Variants in CAMTA1 observed in about 807,000 individuals in gnomAD.
CAMTA1 encodes calmodulin binding transcription activator 1, also known as calmodulin-binding transcription activator 1.
CAMTA1 carries 27 observed loss-of-function variants against 170.9 expected under a neutral mutation model. That is an observed-to-expected ratio of 0.16 (90% CI 0.12 to 0.22). The LOEUF (loss-of-function observed/expected upper bound fraction) is 0.22. CAMTA1 is among the 10% of genes least tolerant of loss of function. The probability of loss-of-function intolerance (pLI) is 1.00; values close to 1 mark genes in which losing one functional copy is unlikely to be tolerated. For synonymous variants in CAMTA1, 833 were observed against 891.5 expected (o/e 0.93, Z 1.17); for missense variants, 1,619 against 2,217.2 (o/e 0.73, Z 5.42).
chr1:7,545,651 G>A (rs1283626047), intron 6 of CAMTA1, among the ~76,000 whole-genome samples: 3 of 152,086 alleles, frequency 2.0e-5, no homozygotes, highest in South Asian at 4.1e-4. Context: ...TCTGTCTGGT[G>A]GCCCAGGATT....
chr1:7,064,353 C>T lies in CAMTA1; in HGVS notation c.235-26951C>T, dbSNP rs1238475843. Among the ~76,000 whole-genome samples the T allele has an allele frequency of 6.6e-6, 1 of 152,128 alleles. No homozygotes were observed. Among genetic ancestry groups the T allele is most frequent in the Non-Finnish European group, 1.5e-5 (1 of 68,028 alleles). ...GGACACCTACCTTCATGACTTGTCT[C>T]ATATTAATTAGCTTCTGAAGATCTC... On this transcript the variant is annotated intron_variant, in intron 3 of 22. Coordinates refer to ENST00000303635, the MANE Select transcript of CAMTA1 (RefSeq NM_015215.4). The surrounding 1 kb of genome is among the most constrained non-coding windows in gnomAD (Gnocchi z 5.4).
At position 7,562,775 on chromosome 1, in the gene CAMTA1, C is replaced by T. The variant is rs1212051208; in HGVS notation, c.511-77625C>T. Reference sequence around the variant, plus strand: ...TCGCCAGGCCAGCAGTAGCCCACCCCACTTCTTGTTCTCATGGTCCCCAGG... The same window carrying T: ...TCGCCAGGCCAGCAGTAGCCCACCCTACTTCTTGTTCTCATGGTCCCCAGG... On this transcript the variant is annotated intron_variant, in intron 6 of 22. Coordinates refer to ENST00000303635, the MANE Select transcript of CAMTA1 (RefSeq NM_015215.4). The surrounding 1 kb of genome is among the most constrained non-coding windows in gnomAD (Gnocchi z 4.8). 8.5e-5 allele frequency among the ~76,000 whole-genome samples: 13 copies of T among 152,218 alleles called. No individual in the cohort carries two copies. The highest frequency in any genetic ancestry group is 1.6e-4 in the Non-Finnish European group (11 of 68,038).
intron 6 of CAMTA1, among the ~76,000 whole-genome samples, chr1:7,490,427 G>A (rs1235168940): frequency 1.3e-5 from 2 of 152,168 alleles, no homozygotes; most frequent in Non-Finnish European, 1.5e-5. Context: ...CGAGGCAGGC[G>A]GTTCACCTGA....
chr1:7,725,111 G>C (rs1177778909), intron 11 of CAMTA1, among the ~76,000 whole-genome samples: 1 of 152,194 alleles, frequency 6.6e-6, no homozygotes, highest in African/African-American at 2.4e-5. Flanking sequence ...GGAGCCGGAC[G>C]GTTGCTATGA....
chr1:7,094,421 A>G (rs931474661), intron 4 of CAMTA1, among the ~76,000 whole-genome samples: 2 of 152,372 alleles, frequency 1.3e-5, no homozygotes, highest in Non-Finnish European at 2.9e-5. Context: ...TGCTAATTTC[A>G]TTTTAGAAAA....
intron 3 of CAMTA1, among the ~76,000 whole-genome samples, chr1:6,954,523 A>C (rs1689097093): frequency 6.6e-6 from 1 of 152,174 alleles, no homozygotes; most frequent in East Asian, 1.9e-4. Flanking sequence ...TTGAGGTCTG[A>C]GTTTTCCTTT....
At chr1:6,819,425 T>G (rs763084352) in intron 1 of CAMTA1, among the ~76,000 whole-genome samples, 62 of 152,316 alleles carry the variant, frequency 4.1e-4, no homozygotes, top group Admixed American at 3.9e-4. Context: ...CCCCTTGATT[T>G]ACTTGCCATG....
chr1:7,138,377 A>T (rs1024306239), intron 4 of CAMTA1, among the ~76,000 whole-genome samples: 1 of 152,224 alleles, frequency 6.6e-6, no homozygotes, highest in Non-Finnish European at 1.5e-5. Context: ...TTGGCATTTA[A>T]ATGCCCTCCT....
intron 4 of CAMTA1, among the ~76,000 whole-genome samples, chr1:7,207,505 A>C (rs1657958037): frequency 1.3e-5 from 2 of 152,196 alleles, no homozygotes; most frequent in South Asian, 4.1e-4. Context: ...CTAAAAATAT[A>C]CACTCTATTT....
chr1:7,263,329 G>T (rs1214757431), intron 5 of CAMTA1, among the ~76,000 whole-genome samples: 2 of 152,154 alleles, frequency 1.3e-5, no homozygotes, highest in Non-Finnish European at 2.9e-5. Flanking sequence ...TATTGTGAAT[G>T]GACTGAATTA....
chr1:7,650,700 C>T (rs1478634192), intron 7 of CAMTA1, among the ~76,000 whole-genome samples: 2 of 151,854 alleles, frequency 1.3e-5, no homozygotes, highest in African/African-American at 4.8e-5. Flanking sequence ...CCCGTCCCCC[C>T]TCAGCCTCTG....
At chr1:7,705,516 G>T (rs1276727988) in intron 11 of CAMTA1, among the ~76,000 whole-genome samples, 5 of 150,296 alleles carry the variant, frequency 3.3e-5, no homozygotes, top group Non-Finnish European at 7.4e-5. Context: ...TGTCGGGCGC[G>T]CGCGGGCGGG....
chr1:7,075,660 T>C (rs1485094083), intron 3 of CAMTA1, among the ~76,000 whole-genome samples: 1 of 121,316 alleles, frequency 8.2e-6, no homozygotes, highest in Admixed American at 9.6e-5. Flanking sequence ...TCAATCTCAG[T>C]GATTTTTTTT....
intron 3 of CAMTA1, among the ~76,000 whole-genome samples, chr1:6,916,317 G>A (rs1680780112): frequency 6.6e-6 from 1 of 152,160 alleles, no homozygotes; most frequent in Admixed American, 6.5e-5. Context: ...AGGACACTAA[G>A]ACGATGGCCA....
At chr1:7,133,760 C>T (rs1645391758) in intron 4 of CAMTA1, among the ~76,000 whole-genome samples, 1 of 152,166 alleles carries the variant, frequency 6.6e-6, no homozygotes, top group South Asian at 2.1e-4. Flanking sequence ...GAACTGTGTC[C>T]TTTCCTGAGG....
chr1:7,423,696 A>C (rs936209290), intron 5 of CAMTA1, among the ~76,000 whole-genome samples: 3 of 152,040 alleles, frequency 2.0e-5, no homozygotes, highest in Non-Finnish European at 4.4e-5. Context: ...TAAAATGCGC[A>C]ACGACTTCCC....
At chr1:7,230,118 C>A (rs1662457696) in intron 4 of CAMTA1, among the ~76,000 whole-genome samples, 1 of 152,124 alleles carries the variant, frequency 6.6e-6, no homozygotes, top group Non-Finnish European at 1.5e-5. Flanking sequence ...GTGTCCCCCC[C>A]CACCACATCT....
intron 6 of CAMTA1, among the ~76,000 whole-genome samples, chr1:7,601,167 C>G (rs1265426248): frequency 8.4e-6 from 1 of 118,974 alleles, no homozygotes; most frequent in South Asian, 2.5e-4. Context: ...GGGGCTGACC[C>G]CCACCTCCCT....
chr1:7,719,519 C>T (rs1399807093), intron 11 of CAMTA1, among the ~76,000 whole-genome samples: 9 of 152,318 alleles, frequency 5.9e-5, no homozygotes, highest in Admixed American at 5.2e-4. Flanking sequence ...AAGTCCTAAG[C>T]AGCATTGCTC....
Sources: gnomAD v4.1 joint callset for allele counts (sites outside exome capture counted in the v4.1 genomes callset) on GRCh38, gnomAD v4.1.1 for gene constraint, Gnocchi (gnomAD v3.1) non-coding constraint, MANE v1.5 for transcripts, NCBI Gene and HGNC (gene_info 2026-07-23, HGNC 2026-07-21) for gene names.